The following FOXK1 variants were observed in gnomAD, a reference collection of about 807,000 sequenced individuals.
FOXK1 encodes the protein forkhead box K1, also known as forkhead box protein K1.
FOXK1 carries 19 observed loss-of-function variants against 51.9 expected under a neutral mutation model. The observed-to-expected ratio is 0.37, with a 90% confidence interval of 0.26 to 0.54. The LOEUF (loss-of-function observed/expected upper bound fraction) is 0.54, where lower values mean the gene tolerates loss of function less well. FOXK1 is among the 20% of genes least tolerant of loss of function. The pLI is 0.87. For missense variants in FOXK1, 870 were observed against 1,032.7 expected, an observed-to-expected ratio of 0.84 and a Z score of 2.16; for synonymous variants, 537 against 482.6, an observed-to-expected ratio of 1.11 and a Z score of -1.48.
chr7:4,737,259 G>A (rs935587250), intron 1 of FOXK1, among the ~76,000 whole-genome samples: 1 of 152,236 alleles, frequency 6.6e-6, no homozygotes, highest in Non-Finnish European at 1.5e-5. Flanking sequence ...GAAAGTCAGA[G>A]GTCTCAACTG....
intron 1 of FOXK1, among the ~76,000 whole-genome samples, chr7:4,719,764 G>C (rs1780285381): frequency 6.6e-6 from 1 of 152,180 alleles, no homozygotes; most frequent in Non-Finnish European, 1.5e-5. Context: ...TTACAGGTTT[G>C]AGCCACCGCG....
rs112716159 is a variant in FOXK1, at chr7:4,700,233, A to G, written c.560+17365A>G. 6.0e-3 allele frequency among the ~76,000 whole-genome samples: 921 copies of G among 152,342 alleles called. 11 individuals carry two copies. Among genetic ancestry groups the G allele is most frequent in the African/African-American group, 0.021 (869 of 41,568 alleles). On this transcript the variant is annotated intron_variant, in intron 1 of 8. Coordinates refer to ENST00000328914, the MANE Select transcript of FOXK1 (RefSeq NM_001037165.2). ...GGACCACGTTTTTCTTGTTTATTGC[A>G]TAGCCTCAGTACATACCAATATGCT...
chr7:4,693,830 G>A (rs1779921592), intron 1 of FOXK1, among the ~76,000 whole-genome samples: 1 of 151,412 alleles, frequency 6.6e-6, no homozygotes, highest in Non-Finnish European at 1.5e-5. Flanking sequence ...GCCTCCCAGT[G>A]TGCTCAGGTG....
intron 1 of FOXK1, among the ~76,000 whole-genome samples, chr7:4,732,668 C>G (rs1268588997): frequency 6.6e-6 from 1 of 152,196 alleles, no homozygotes; most frequent in Non-Finnish European, 1.5e-5. Context: ...AAACAGAAGT[C>G]CTCAGGTCTC....
At chr7:4,710,134 T>C (rs1208335101) in intron 1 of FOXK1, among the ~76,000 whole-genome samples, 4 of 152,226 alleles carry the variant, frequency 2.6e-5, no homozygotes, top group Non-Finnish European at 5.9e-5. Context: ...TTAAATAGAA[T>C]CTGTGACTGA....
Position 4,757,092 on chromosome 7 carries a change from T to A in FOXK1, c.1149T>A (p.Pro383=), listed in dbSNP as rs201424156. ...AGGGGTCCTTTTGGCGAATAGACCCTGCCTCTGAAGCCAAGCTCGTGGAAC... is the reference window on the plus strand; with the variant it reads ...AGGGGTCCTTTTGGCGAATAGACCCAGCCTCTGAAGCCAAGCTCGTGGAAC... ...PGKGSFWRID[P]ASEAKLVEQA... Residue 383 remains proline (P), a synonymous_variant, in exon 5 of 9, where the codon CCT becomes CCA. Coordinates refer to ENST00000328914, the MANE Select transcript of FOXK1 (RefSeq NM_001037165.2). 40 of 1,613,780 alleles carry A rather than the reference T, an allele frequency of 2.5e-5. No homozygotes were observed. The highest frequency in any genetic ancestry group is 3.0e-5 in the Non-Finnish European group (35 of 1,179,988).
intron 1 of FOXK1, among the ~76,000 whole-genome samples, chr7:4,714,162 A>G (rs910643336): frequency 1.3e-5 from 2 of 152,006 alleles, no homozygotes; most frequent in African/African-American, 4.8e-5. Flanking sequence ...TGGTTTTTAA[A>G]GTTGTCTATT....
chr7:4,736,295 G>C (rs1041547859), intron 1 of FOXK1, among the ~76,000 whole-genome samples: 10 of 152,054 alleles, frequency 6.6e-5, no homozygotes, highest in African/African-American at 1.9e-4. Context: ...TACTATTACA[G>C]TAGGAAATTG....
At chr7:4,760,566 C>T (rs1023851250) in intron 7 of FOXK1, among the ~76,000 whole-genome samples, 4 of 152,140 alleles carry the variant, frequency 2.6e-5, no homozygotes, top group Non-Finnish European at 4.4e-5. Flanking sequence ...AAATACTGTT[C>T]TAGGCCGGGC....
chr7:4,685,308 G>A (rs1056821328), intron 1 of FOXK1, among the ~76,000 whole-genome samples: 1 of 147,756 alleles, frequency 6.8e-6, no homozygotes, highest in African/African-American at 2.5e-5. Flanking sequence ...TCTACCTCCC[G>A]GGTTCAAGAG....
chr7:4,690,802 A>G (rs780127890), intron 1 of FOXK1, among the ~76,000 whole-genome samples: 3 of 152,200 alleles, frequency 2.0e-5, no homozygotes, highest in Non-Finnish European at 4.4e-5. Flanking sequence ...AGATAGAGTA[A>G]TTTACGATTT....
At chr7:4,684,426 A>C (rs1779793464) in intron 1 of FOXK1, among the ~76,000 whole-genome samples, 1 of 152,212 alleles carries the variant, frequency 6.6e-6, no homozygotes, top group Non-Finnish European at 1.5e-5. Context: ...AAAATGCAAC[A>C]TCAACAATGA....
intron 1 of FOXK1, among the ~76,000 whole-genome samples, chr7:4,705,395 T>C (rs1780070553): frequency 6.6e-6 from 1 of 152,064 alleles, no homozygotes; most frequent in Non-Finnish European, 1.5e-5. Flanking sequence ...TTGCCCAGGC[T>C]GGTCTTGAAC....
intron 1 of FOXK1, among the ~76,000 whole-genome samples, chr7:4,698,061 G>T (rs1386647020): frequency 6.6e-6 from 1 of 152,084 alleles, no homozygotes; most frequent in Non-Finnish European, 1.5e-5. Flanking sequence ...CTGACCTCAA[G>T]TGATCCTCCT....
At chr7:4,693,497 T>A (rs1257711260) in intron 1 of FOXK1, among the ~76,000 whole-genome samples, 8 of 152,232 alleles carry the variant, frequency 5.3e-5, no homozygotes, top group Admixed American at 5.2e-4. Context: ...TATATTTTTT[T>A]AAATGTACAG....
intron 1 of FOXK1, among the ~76,000 whole-genome samples, chr7:4,727,331 T>C (rs1279493450): frequency 6.6e-6 from 1 of 152,184 alleles, no homozygotes; most frequent in African/African-American, 2.4e-5. Flanking sequence ...GTTTATTTTT[T>C]TGGCAAGGGC....
At chr7:4,710,956 C>T (rs1039439721) in intron 1 of FOXK1, among the ~76,000 whole-genome samples, 1 of 152,214 alleles carries the variant, frequency 6.6e-6, no homozygotes, top group Non-Finnish European at 1.5e-5. Context: ...TCCGCATTAC[C>T]TGTCGACACC....
intron 1 of FOXK1, among the ~76,000 whole-genome samples, chr7:4,689,274 G>A (rs1013421888): frequency 5.3e-5 from 8 of 152,040 alleles, no homozygotes; most frequent in East Asian, 1.9e-4. Context: ...CACTGCACCC[G>A]GCCACCGGTA....
At chr7:4,737,236 C>G (rs1780564254) in intron 1 of FOXK1, among the ~76,000 whole-genome samples, 1 of 152,210 alleles carries the variant, frequency 6.6e-6, no homozygotes, top group African/African-American at 2.4e-5. Flanking sequence ...AACATAGGGA[C>G]TTTCACGACA....
Sources: allele counts gnomAD v4.1 joint callset (sites outside exome capture counted in the v4.1 genomes callset), GRCh38; gene constraint gnomAD v4.1.1; transcripts MANE v1.5; gene names NCBI Gene and HGNC (gene_info 2026-07-23, HGNC 2026-07-21).